PVT1: variants seen among roughly 807,000 people sequenced by gnomAD.
PVT1 encodes CXCR4/PVT1 fusion.
chr8:127,899,279 G>A (rs1815729117), intron 3 of PVT1, among the ~76,000 whole-genome samples: 1 of 152,214 alleles, frequency 6.6e-6, no homozygotes, highest in Non-Finnish European at 1.5e-5. Context: ...TGCTCCTTTG[G>A]GAAGCCTGTT....
intron 2 of PVT1, among the ~76,000 whole-genome samples, chr8:127,822,629 A>G (rs376636830): frequency 2.6e-5 from 4 of 152,184 alleles, no homozygotes; most frequent in African/African-American, 9.6e-5. Context: ...TAGAGGGGTA[A>G]GTCCATCGGG....
At chr8:127,950,277 G>T (rs895217277) in intron 3 of PVT1, among the ~76,000 whole-genome samples, 1 of 152,212 alleles carries the variant, frequency 6.6e-6, no homozygotes, top group Admixed American at 6.5e-5. Flanking sequence ...CAATAGCCCC[G>T]TGGCGGCATG....
chr8:127,816,387 ATCC>A (rs1243706337), intron 2 of PVT1, among the ~76,000 whole-genome samples: 3 of 150,430 alleles, frequency 2.0e-5, no homozygotes, highest in Non-Finnish European at 2.9e-5. Flanking sequence ...GGCTCGAGAG[ATCC>A]TCTTATCTCG....
At chr8:127,818,888 T>A (rs78506997) in intron 2 of PVT1, among the ~76,000 whole-genome samples, 2 of 74,468 alleles carry the variant, frequency 2.7e-5, no homozygotes, top group Non-Finnish European at 7.5e-5. Context: ...TCTCTCTCAC[T>A]CTGTTGCCTA....
intron 3 of PVT1, among the ~76,000 whole-genome samples, chr8:127,949,381 G>A (rs1285241156): frequency 9.6e-6 from 1 of 103,830 alleles, no homozygotes; most frequent in Admixed American, 9.5e-5. Context: ...TCCAGGAGCT[G>A]TGTGTGTGTG....
chr8:127,910,594 G>A (rs1815882358), intron 3 of PVT1, among the ~76,000 whole-genome samples: 1 of 152,138 alleles, frequency 6.6e-6, no homozygotes, highest in African/African-American at 2.4e-5. Flanking sequence ...ACTTCCTAAT[G>A]ATAATAATTA....
In PVT1 at chr8:127,898,878, G is replaced by A. The variant is rs1281347023; in HGVS notation, n.782+7880G>A. 6.6e-6 allele frequency among the ~76,000 whole-genome samples: 1 copy of A among 152,154 alleles called. No individual in the cohort carries two copies. Among genetic ancestry groups the A allele is most frequent in the African/African-American group, 2.4e-5 (1 of 41,432 alleles). The stretch of plus-strand genomic sequence containing the variant: ...ACCCTTTATCACTCCACAAGGGGTG[G>A]GGGTACTGGACAGAAAGAGTGTGTC... On this transcript the variant is annotated intron_variant and non_coding_transcript_variant, in intron 3 of 10. Coordinates refer to ENST00000651587, the Ensembl canonical transcript of PVT1. This position sits in a 1 kb window ranked among gnomAD's most constrained non-coding sequence, Gnocchi z 4.4.
intron 4 of PVT1, among the ~76,000 whole-genome samples, chr8:128,061,288 G>T (rs1234921527): frequency 6.6e-6 from 1 of 152,162 alleles, no homozygotes; most frequent in African/African-American, 2.4e-5. Context: ...TCTTCACTTG[G>T]CATAATGTTT....
At chr8:127,916,939 G>T (rs948879945) in intron 3 of PVT1, among the ~76,000 whole-genome samples, 3 of 152,186 alleles carry the variant, frequency 2.0e-5, no homozygotes. Context: ...GGATTGTTAT[G>T]TATCCTTTCT....
intron 3 of PVT1, among the ~76,000 whole-genome samples, chr8:127,954,792 A>G (rs1586453817): frequency 1.3e-5 from 2 of 152,264 alleles, no homozygotes; most frequent in Non-Finnish European, 2.9e-5. Flanking sequence ...CTGCTCTGCA[A>G]CTGGTGCTCG....
At chr8:127,809,386 T>C (rs1038563424) in intron 2 of PVT1, among the ~76,000 whole-genome samples, 2 of 152,188 alleles carry the variant, frequency 1.3e-5, no homozygotes, top group African/African-American at 4.8e-5. Flanking sequence ...TTTATAAAGA[T>C]AGGGTCTCAC....
chr8:128,093,059 G>A (rs2392938), intron 5 of PVT1, among the ~76,000 whole-genome samples: 18,808 of 152,020 alleles, frequency 0.12, 1,575 homozygotes, highest in South Asian at 0.24. Context: ...GCAACTTTAA[G>A]ATCTGTCTTT....
At chr8:127,841,744 C>A (rs915689055) in intron 2 of PVT1, among the ~76,000 whole-genome samples, 2 of 149,590 alleles carry the variant, frequency 1.3e-5, no homozygotes, top group Non-Finnish European at 3.0e-5. Flanking sequence ...TTTCTTCTTT[C>A]TGAGACAGTC....
intron 4 of PVT1, among the ~76,000 whole-genome samples, chr8:128,018,707 A>T (rs927993082): frequency 2.6e-5 from 4 of 152,158 alleles, no homozygotes; most frequent in African/African-American, 9.7e-5. Context: ...CTGACATTGA[A>T]GCCCTGTGTG....
At chr8:127,978,374 G>A (rs1816845238) in intron 3 of PVT1, among the ~76,000 whole-genome samples, 2 of 151,952 alleles carry the variant, frequency 1.3e-5, no homozygotes, top group African/African-American at 4.8e-5. Context: ...TGCCCAGGCT[G>A]ATCTCAAATT....
intron 5 of PVT1, among the ~76,000 whole-genome samples, chr8:128,076,167 G>A (rs999814238): frequency 1.3e-5 from 2 of 152,152 alleles, no homozygotes; most frequent in South Asian, 2.1e-4. Flanking sequence ...ACAGCCAGCT[G>A]GGTTTCCTTG....
intron 3 of PVT1, among the ~76,000 whole-genome samples, chr8:127,917,242 T>A (rs368294570): frequency 6.6e-6 from 1 of 152,100 alleles, no homozygotes; most frequent in East Asian, 1.9e-4. Context: ...CCTAGCCAGC[T>A]CTCTGGACCA....
intron 4 of PVT1, among the ~76,000 whole-genome samples, chr8:128,045,408 C>T (rs1813598935): frequency 1.3e-5 from 2 of 152,178 alleles, no homozygotes. Context: ...CTGGCTTGTA[C>T]CCCACAACAT....
intron 3 of PVT1, among the ~76,000 whole-genome samples, chr8:127,920,594 T>C (rs1236067112): frequency 2.0e-5 from 3 of 152,244 alleles, no homozygotes. Context: ...GCTATTGATA[T>C]TGGTGTGCCC....
Sources: gnomAD v4.1 joint callset for allele counts (sites outside exome capture counted in the v4.1 genomes callset) on GRCh38, gnomAD v4.1.1 for gene constraint, Gnocchi (gnomAD v3.1) non-coding constraint, MANE v1.5 for transcripts, NCBI Gene and HGNC (gene_info 2026-07-23, HGNC 2026-07-21) for gene names.